Variants in NKAIN1 observed in about 807,000 individuals in gnomAD.
NKAIN1 encodes the protein sodium/potassium transporting ATPase interacting 1, also known as sodium/potassium-transporting ATPase subunit beta-1-interacting protein 1.
NKAIN1 carries 13 observed loss-of-function variants against 31.6 expected under a neutral mutation model. The ratio of observed to expected loss-of-function variants is 0.41; its 90% CI spans 0.27 to 0.65. The LOEUF is 0.65. Among genes scored for constraint, NKAIN1 ranks in the 30% least tolerant of loss-of-function variants. The pLI, the probability that NKAIN1 is intolerant of heterozygous loss-of-function variation, is 0.30. For missense variants in NKAIN1, 193 were observed against 262.2 expected (o/e 0.74, Z 1.82); for synonymous variants, 104 against 109.0 (o/e 0.95, Z 0.28).
intron 1 of NKAIN1, among the ~76,000 whole-genome samples, chr1:31,209,986 T>C (rs1184632052): frequency 9.1e-6 from 1 of 110,030 alleles, no homozygotes; most frequent in Non-Finnish European, 1.7e-5. Flanking sequence ...GACCCTGTCT[T>C]ATTAAAAAAA....
chr1:31,226,991 A>G (rs1291178016), intron 1 of NKAIN1, among the ~76,000 whole-genome samples: 1 of 149,686 alleles, frequency 6.7e-6, no homozygotes, highest in African/African-American at 2.5e-5. Context: ...CACCCAGCTA[A>G]TTTTTGTATT....
rs60728722 is a variant in NKAIN1, at chr1:31,189,026, G to GA, written c.55-840dup. On this transcript the variant is annotated intron_variant, in intron 1 of 6. Transcript: ENST00000373736. ...AGACCCCGTCTCAAAAAAAAGAAAA[G>GA]AAAAAAAAAAAACGGCGTTCATTGG... is the stretch of plus-strand genomic sequence containing the variant. Among the ~76,000 whole-genome samples the GA allele has an allele frequency of 3.8e-3, 501 of 132,440 alleles. 1 individual carries two copies. Among genetic ancestry groups the GA allele is most frequent in the South Asian group, 0.01 (37 of 3,662 alleles). 86.9% of individuals were successfully genotyped at this position (132,440 alleles called of 152,430 possible).
intron 1 of NKAIN1, among the ~76,000 whole-genome samples, chr1:31,218,188 G>A (rs181413393): frequency 4.4e-4 from 66 of 151,226 alleles, no homozygotes; most frequent in Middle Eastern, 3.4e-3. Context: ...TCAGCCTCCC[G>A]GGTAGCTGGG....
intron 1 of NKAIN1, among the ~76,000 whole-genome samples, chr1:31,196,726 A>G (rs1645330687): frequency 1.4e-5 from 2 of 139,138 alleles, no homozygotes; most frequent in South Asian, 4.6e-4. Context: ...ATAAATAAAT[A>G]AATAAATAAA....
At chr1:31,203,831 C>T (rs915342203) in intron 1 of NKAIN1, among the ~76,000 whole-genome samples, 7 of 152,034 alleles carry the variant, frequency 4.6e-5, no homozygotes, top group Non-Finnish European at 8.8e-5. Context: ...GTGATTAGCC[C>T]GCCTCGGCCT....
chr1:31,217,847 A>G (rs573413901), intron 1 of NKAIN1, among the ~76,000 whole-genome samples: 1 of 152,132 alleles, frequency 6.6e-6, no homozygotes, highest in South Asian at 2.1e-4. Flanking sequence ...CTGTATAAAC[A>G]AAGGGCTGCA....
rs1193817470 is a variant in NKAIN1 at position 31,239,415 on chromosome 1, G to A, written c.54+79C>T. ...ACCAGACACACACACAGAGACACAC[G>A]CAACCCCACCCGCACGCCCTGGGAC... On this transcript the variant is annotated intron_variant, in intron 1 of 6. Coordinates refer to ENST00000373736, the MANE Select transcript of NKAIN1 (RefSeq NM_024522.3). The surrounding 1 kb of genome is among the most constrained non-coding windows in gnomAD (Gnocchi z 4.8). The A allele has an allele frequency of 1.7e-6, 2 of 1,144,438 alleles. No individual in the cohort carries two copies. Among genetic ancestry groups the A allele is most frequent in the Non-Finnish European group, 2.3e-6 (2 of 863,120 alleles). The allele number at this position is 1,144,438 out of a possible 1,614,324, so 70.9% of individuals were successfully genotyped here. A position where few individuals can be genotyped will look rare whatever the true frequency, so the allele number is the denominator to read the frequency against.
chr1:31,224,899 C>T (rs563056950), intron 1 of NKAIN1, among the ~76,000 whole-genome samples: 39 of 152,304 alleles, frequency 2.6e-4, no homozygotes, highest in Non-Finnish European at 3.1e-4. Context: ...GGGCAGTGCC[C>T]ACCTAACAAG....
chr1:31,232,610 C>T (rs1212410467), intron 1 of NKAIN1, among the ~76,000 whole-genome samples: 1 of 150,714 alleles, frequency 6.6e-6, no homozygotes. Flanking sequence ...TTTAAAAATA[C>T]ACCTGTAGCC....
intron 1 of NKAIN1, among the ~76,000 whole-genome samples, chr1:31,189,174 A>T (rs1045143258): frequency 1.3e-4 from 20 of 152,138 alleles, no homozygotes; most frequent in African/African-American, 4.8e-4. Flanking sequence ...CCCATCAGCC[A>T]TCAACCATGT....
At chr1:31,200,397 A>G (rs1645370581) in intron 1 of NKAIN1, among the ~76,000 whole-genome samples, 1 of 151,280 alleles carries the variant, frequency 6.6e-6, no homozygotes, top group Non-Finnish European at 1.5e-5. Context: ...AATCTTAACT[A>G]TATGCACTTC....
intron 1 of NKAIN1, among the ~76,000 whole-genome samples, chr1:31,203,490 A>C (rs373526811): frequency 6.6e-6 from 1 of 151,726 alleles, no homozygotes; most frequent in East Asian, 1.9e-4. Context: ...ACAAAGAATC[A>C]TCAAACTGTT....
chr1:31,188,405 A>G, intron 1 of NKAIN1: 1 of 537,088 alleles, frequency 1.9e-6, no homozygotes, highest in Non-Finnish European at 3.3e-6. Flanking sequence ...GAGGGTTCAG[A>G]ACACCTTCCT....
intron 1 of NKAIN1, among the ~76,000 whole-genome samples, chr1:31,212,744 T>C (rs1645480413): frequency 6.6e-6 from 1 of 151,694 alleles, no homozygotes; most frequent in South Asian, 2.1e-4. Flanking sequence ...CTCAAGCCTG[T>C]AATCTCAGCA....
intron 1 of NKAIN1, among the ~76,000 whole-genome samples, chr1:31,223,518 T>C (rs1335632121): frequency 1.3e-5 from 2 of 152,130 alleles, no homozygotes; most frequent in Non-Finnish European, 2.9e-5. Flanking sequence ...GATCTCCGCT[T>C]ACTGCAAGCT....
At chr1:31,214,111 A>T (rs1033659357) in intron 1 of NKAIN1, among the ~76,000 whole-genome samples, 1 of 152,152 alleles carries the variant, frequency 6.6e-6, no homozygotes, top group Non-Finnish European at 1.5e-5. Context: ...GAAAGAATGA[A>T]GTATTGATAC....
At chr1:31,220,783 G>A (rs967192047) in intron 1 of NKAIN1, among the ~76,000 whole-genome samples, 8 of 142,628 alleles carry the variant, frequency 5.6e-5, no homozygotes, top group Admixed American at 4.2e-4. Flanking sequence ...AAAGCATCCA[G>A]TGAATATTTG....
At chr1:31,215,845 A>G (rs369779227) in intron 1 of NKAIN1, among the ~76,000 whole-genome samples, 1 of 152,302 alleles carries the variant, frequency 6.6e-6, no homozygotes. Context: ...GCTCTGACCT[A>G]TAATAAAAGC....
Position 31,185,228 on chromosome 1 carries a change from T to C in NKAIN1, c.273+19A>G. On this transcript the variant is annotated intron_variant, in intron 3 of 6. Coordinates refer to ENST00000373736, the MANE Select transcript of NKAIN1 (RefSeq NM_024522.3). ...ATGGTCAGGCTCTGCCCTATGGCAC[T>C]GCCAGGTCTGAGGCTTACCTGGGAC... is the stretch of plus-strand genomic sequence containing the variant. 6.3e-7 allele frequency: 1 copy of C among 1,595,968 alleles called. No homozygotes were observed. The highest frequency in any genetic ancestry group is 2.2e-5 in the East Asian group (1 of 44,550).
Sources: gnomAD v4.1 joint callset for allele counts (sites outside exome capture counted in the v4.1 genomes callset) on GRCh38, gnomAD v4.1.1 for gene constraint, Gnocchi (gnomAD v3.1) non-coding constraint, MANE v1.5 for transcripts, NCBI Gene and HGNC (gene_info 2026-07-23, HGNC 2026-07-21) for gene names.